TM4SF4: variants seen among roughly 807,000 people sequenced by gnomAD.
The protein encoded by TM4SF4 is transmembrane 4 L6 family member 4.
A neutral mutation model predicts 24.1 loss-of-function variants in TM4SF4; 24 were observed. That is an observed-to-expected ratio of 1.00 (90% confidence interval 0.72 to 1.40). The LOEUF (loss-of-function observed/expected upper bound fraction) is 1.40, where lower values mean the gene tolerates loss of function less well. Ranked by LOEUF, TM4SF4 falls within the 40% of genes most tolerant of loss-of-function variation. The probability of loss-of-function intolerance (pLI) is 0.00; values close to 1 mark genes in which losing one functional copy is unlikely to be tolerated. For missense variants in TM4SF4, 254 were observed against 254.2 expected (o/e 1.00, Z 0.01); for synonymous variants, 113 against 97.0 (o/e 1.17, Z -0.97).
intron 2 of TM4SF4, among the ~76,000 whole-genome samples, chr3:149,480,833 ACTT>A (rs1734021227): frequency 6.6e-6 from 1 of 151,664 alleles, no homozygotes. Flanking sequence ...TTTTTATTCT[ACTT>A]CTACATATTT....
At chr3:149,483,552 G>A (rs1005028903) in intron 2 of TM4SF4, among the ~76,000 whole-genome samples, 14 of 150,890 alleles carry the variant, frequency 9.3e-5, no homozygotes, top group African/African-American at 3.4e-4. Flanking sequence ...AAACTTATAG[G>A]ATCCAATAAG....
intron 3 of TM4SF4, among the ~76,000 whole-genome samples, chr3:149,488,248 G>C (rs1017564266): frequency 2.0e-5 from 3 of 152,174 alleles, no homozygotes; most frequent in African/African-American, 7.2e-5. Flanking sequence ...GGTTTCTCAT[G>C]TTAATGTTAA....
At chr3:149,477,323 C>T (rs1277631222) in intron 2 of TM4SF4, among the ~76,000 whole-genome samples, 1 of 152,080 alleles carries the variant, frequency 6.6e-6, no homozygotes, top group Non-Finnish European at 1.5e-5. Context: ...AGAAATGAAG[C>T]ATAGTAGAAC....
intron 3 of TM4SF4, among the ~76,000 whole-genome samples, chr3:149,490,333 T>G (rs1187780596): frequency 6.6e-6 from 1 of 152,260 alleles, no homozygotes; most frequent in Non-Finnish European, 1.5e-5. Flanking sequence ...ACTGCAGAAG[T>G]TCACCTTGAA....
intron 2 of TM4SF4, among the ~76,000 whole-genome samples, chr3:149,477,872 T>A (rs201676261): frequency 6.6e-6 from 1 of 150,538 alleles, no homozygotes; most frequent in African/African-American, 2.4e-5. Flanking sequence ...GAGATGAGGA[T>A]TTTTTTTTTA....
chr3:149,482,635 C>T (rs1734054269), intron 2 of TM4SF4, among the ~76,000 whole-genome samples: 1 of 152,184 alleles, frequency 6.6e-6, no homozygotes, highest in Non-Finnish European at 1.5e-5. Flanking sequence ...CCTCTGCCTC[C>T]TGGGCTCAAG....
At chr3:149,498,665 T>C in intron 3 of TM4SF4, 57 bp from the exon 4 acceptor site, 2 of 1,503,304 alleles carry the variant, frequency 1.3e-6, no homozygotes, top group Non-Finnish European at 1.8e-6. Flanking sequence ...AACTTTCTAG[T>C]GGAGGGAATT....
rs1368779886 is a variant in TM4SF4 at position 149,487,638 on chromosome 3, T to C, written c.284T>C (p.Phe95Ser). ...KRFAMFTSTI[F>S]AVVGFLGAGY... ...TTTCAGATGTTCACCTCCACGATAT[T>C]TGCTGTGGTTGGATTCTTGGGAGCT... Residue 95 changes from phenylalanine (F) to serine (S), a missense_variant, in exon 3 of 5, where the codon TTT (phenylalanine) becomes TCT (serine). Coordinates refer to ENST00000305354, the MANE Select transcript of TM4SF4 (RefSeq NM_004617.4). The C allele has an allele frequency of 6.2e-7, 1 of 1,614,034 alleles. No individual in the cohort carries two copies. Among genetic ancestry groups the C allele is most frequent in the Non-Finnish European group, 8.5e-7 (1 of 1,179,896 alleles).
chr3:149,480,478 C>A (rs879346950), intron 2 of TM4SF4, among the ~76,000 whole-genome samples: 3 of 152,060 alleles, frequency 2.0e-5, no homozygotes, highest in African/African-American at 7.2e-5. Context: ...CCCGCCCCAC[C>A]CACAGGCAGG....
chr3:149,476,621 C>A (rs555223320), intron 2 of TM4SF4, among the ~76,000 whole-genome samples: 1 of 152,284 alleles, frequency 6.6e-6, no homozygotes, highest in African/African-American at 2.4e-5. Context: ...CTGGACTAGA[C>A]CAGAATTTCT....
rs746710511 is a variant in TM4SF4 at position 149,474,912 on chromosome 3, G to C, written c.35G>C (p.Gly12Ala). Residue 12 changes from glycine (G) to alanine (A), a missense_variant, in exon 1 of 5, where the codon GGG becomes GCG. Gly to Ala is a moderately conservative substitution (Grantham distance 60). Transcript: ENST00000305354. ...CTGGCARCLG[G>A]TLIPLAFFGF... is the part of the protein sequence containing the mutation. ...GGGGGCTGTGCCAGATGCCTGGGGGGGACCCTCATTCCCCTTGCTTTTTTT... is the reference window on the plus strand; with the variant it reads ...GGGGGCTGTGCCAGATGCCTGGGGGCGACCCTCATTCCCCTTGCTTTTTTT... The C allele has an allele frequency of 6.2e-7, 1 of 1,613,868 alleles. No individual in the cohort carries two copies. Among genetic ancestry groups the C allele is most frequent in the Non-Finnish European group, 8.5e-7 (1 of 1,179,842 alleles).
intron 3 of TM4SF4, among the ~76,000 whole-genome samples, chr3:149,494,440 C>T (rs374067206): frequency 3.9e-4 from 60 of 152,322 alleles, no homozygotes; most frequent in Middle Eastern, 6.8e-3. Flanking sequence ...AATTCTTTCA[C>T]CTCAGGATCT....
chr3:149,486,951 G>C (rs1450909424), intron 2 of TM4SF4, among the ~76,000 whole-genome samples: 1 of 152,116 alleles, frequency 6.6e-6, no homozygotes, highest in African/African-American at 2.4e-5. Context: ...AATTTGACCA[G>C]AAAACTTAAG....
chr3:149,483,443 C>T (rs1023430714), intron 2 of TM4SF4, among the ~76,000 whole-genome samples: 2 of 150,550 alleles, frequency 1.3e-5, no homozygotes, highest in East Asian at 3.9e-4. Context: ...AGTGAGACCC[C>T]ATCTCTATTT....
At chr3:149,495,507 A>G (rs1021847249) in intron 3 of TM4SF4, 1 of 420,352 alleles carries the variant, frequency 2.4e-6, no homozygotes, top group Non-Finnish European at 4.7e-6. Flanking sequence ...AAGTCTGTTG[A>G]AATGCACCAT....
chr3:149,493,251 CA>C (rs1006887384), intron 3 of TM4SF4, among the ~76,000 whole-genome samples: 1 of 151,546 alleles, frequency 6.6e-6, no homozygotes, highest in Non-Finnish European at 1.5e-5. Context: ...AAATAAGGCT[CA>C]AAAAAAACCT....
chr3:149,476,435 G>T (rs1560027998), intron 2 of TM4SF4, among the ~76,000 whole-genome samples: 1 of 152,002 alleles, frequency 6.6e-6, no homozygotes, highest in African/African-American at 2.4e-5. Flanking sequence ...TCTGCTTCAG[G>T]ACTTCTGTTT....
chr3:149,482,652 T>C (rs1283396017), intron 2 of TM4SF4, among the ~76,000 whole-genome samples: 1 of 152,158 alleles, frequency 6.6e-6, no homozygotes, highest in African/African-American at 2.4e-5. Flanking sequence ...CAAGCAATCC[T>C]CCCACCTCAG....
At chr3:149,492,594 T>G in intron 3 of TM4SF4, among the ~76,000 whole-genome samples, 2 of 149,044 alleles carry the variant, frequency 1.3e-5, no homozygotes, top group East Asian at 2.0e-4. Flanking sequence ...GAGCCAGGAG[T>G]GGTCAGTAGT....
Sources: gnomAD v4.1 joint callset for allele counts (sites outside exome capture counted in the v4.1 genomes callset) on GRCh38, gnomAD v4.1.1 for gene constraint, MANE v1.5 for transcripts, NCBI Gene and HGNC (gene_info 2026-07-23, HGNC 2026-07-21) for gene names.